GPC6: variants seen among roughly 807,000 people sequenced by gnomAD.
GPC6 encodes glypican-6.
GPC6 carries 14 observed loss-of-function variants against 55.2 expected under a neutral mutation model. The observed-to-expected ratio is 0.25, with a 90% CI of 0.17 to 0.40. The LOEUF (loss-of-function observed/expected upper bound fraction) is 0.40, where lower values mean the gene tolerates loss of function less well. GPC6 is among the 10% of genes least tolerant of loss of function. GPC6 has a pLI of 1.00. For missense variants in GPC6, 641 were observed against 708.5 expected (o/e 0.90, Z 1.08); for synonymous variants, 278 against 259.6 (o/e 1.07, Z -0.68).
At chr13:94,285,249 G>T (rs1289888697) in intron 4 of GPC6, among the ~76,000 whole-genome samples, 2 of 151,184 alleles carry the variant, frequency 1.3e-5, no homozygotes, top group Admixed American at 1.3e-4. Context: ...GTTTAATAGT[G>T]CTGGGTCATC....
intron 1 of GPC6, among the ~76,000 whole-genome samples, chr13:93,444,810 A>G (rs921926182): frequency 6.6e-6 from 1 of 152,170 alleles, no homozygotes; most frequent in Non-Finnish European, 1.5e-5. Context: ...TACTTTGTAT[A>G]TGTCATATGC....
chr13:94,355,223 C>T (rs1279361172), intron 6 of GPC6, among the ~76,000 whole-genome samples: 2 of 151,914 alleles, frequency 1.3e-5, no homozygotes, highest in Non-Finnish European at 2.9e-5. Context: ...AGGGTTTCAC[C>T]ATTTGGTCAG....
chr13:93,442,450 C>T (rs1218961662), intron 1 of GPC6, among the ~76,000 whole-genome samples: 1 of 152,130 alleles, frequency 6.6e-6, no homozygotes, highest in Non-Finnish European at 1.5e-5. Flanking sequence ...ATGAATGTTC[C>T]TCAGAATAAC....
At chr13:94,368,950 T>C (rs1879406357) in intron 6 of GPC6, among the ~76,000 whole-genome samples, 1 of 152,216 alleles carries the variant, frequency 6.6e-6, no homozygotes, top group South Asian at 2.1e-4. Flanking sequence ...ATGGTGACTT[T>C]CCCTTAACTT....
At chr13:93,323,842 A>G (rs1411814129) in intron 1 of GPC6, among the ~76,000 whole-genome samples, 1 of 152,202 alleles carries the variant, frequency 6.6e-6, no homozygotes, top group Non-Finnish European at 1.5e-5. Context: ...GCTTTATTAA[A>G]TTATGCCAGT....
At chr13:94,014,005 A>G (rs925277265) in intron 3 of GPC6, among the ~76,000 whole-genome samples, 1 of 152,196 alleles carries the variant, frequency 6.6e-6, no homozygotes, top group Non-Finnish European at 1.5e-5. Context: ...AATAGGCTGA[A>G]TATTTTATCA....
At chr13:93,944,280 T>A (rs1343794780) in intron 3 of GPC6, among the ~76,000 whole-genome samples, 1 of 152,042 alleles carries the variant, frequency 6.6e-6, no homozygotes, top group Non-Finnish European at 1.5e-5. Context: ...CTCGGCTCAC[T>A]GCAAGCTCCG....
At chr13:93,881,472 G>A (rs1874970745) in intron 3 of GPC6, among the ~76,000 whole-genome samples, 1 of 151,956 alleles carries the variant, frequency 6.6e-6, no homozygotes, top group Admixed American at 6.6e-5. Context: ...ATAATTTAGG[G>A]CCAATGTAGG....
At chr13:94,253,710 C>T (rs1891425060) in intron 4 of GPC6, among the ~76,000 whole-genome samples, 1 of 151,994 alleles carries the variant, frequency 6.6e-6, no homozygotes, top group Non-Finnish European at 1.5e-5. Flanking sequence ...GTCATATTCC[C>T]CCTCCAATCT....
At chr13:93,591,416 A>G (rs553060306) in intron 2 of GPC6, among the ~76,000 whole-genome samples, 104 of 150,940 alleles carry the variant, frequency 6.9e-4, no homozygotes, top group Middle Eastern at 3.4e-3. Context: ...GTGAATCGAG[A>G]TCGCGCCACT....
rs115483428 is a variant in GPC6 at position 94,324,290 on chromosome 13, G to A, written c.1152+18167G>A. ...ATGCCTGTGGCCTCAGGTCACCACC[G>A]AGGACCATCTATGAAAGCCTTAAAA... On this transcript the variant is annotated intron_variant, in intron 6 of 8. Coordinates refer to ENST00000377047, the MANE Select transcript of GPC6 (RefSeq NM_005708.5). Among the ~76,000 whole-genome samples the A allele has an allele frequency of 4.5e-3, 650 of 145,826 alleles. 4 individuals carry two copies. The highest frequency in any genetic ancestry group is 0.016 in the African/African-American group (616 of 39,304).
At chr13:93,830,612 TAAAAAA>T (rs369020255) in intron 3 of GPC6, 67 bp downstream of exon 3, 50 of 326,358 alleles carry the variant, frequency 1.5e-4, no homozygotes, top group Admixed American at 1.1e-3. Context: ...AACCAATGTT[TAAAAAA>T]AAAAAAAAAA....
intron 2 of GPC6, among the ~76,000 whole-genome samples, chr13:93,805,825 C>A (rs961453147): frequency 6.6e-6 from 1 of 152,138 alleles, no homozygotes; most frequent in Admixed American, 6.5e-5. Context: ...CTCATTTGTT[C>A]CCCTTTTATT....
Position 93,964,439 on chromosome 13 carries a change from G to A in GPC6, c.712-63290G>A, listed in dbSNP as rs114715008. The stretch of plus-strand genomic sequence containing the variant: ...AAAATACTGGGTTTTATTACAGTGA[G>A]CTGACACAACAGAATATTCAGAATC... On this transcript the variant is annotated intron_variant, in intron 3 of 8. Coordinates refer to ENST00000377047, the MANE Select transcript of GPC6 (RefSeq NM_005708.5). Among the ~76,000 whole-genome samples, 1,177 of 152,280 alleles carry A rather than the reference G, an allele frequency of 7.7e-3. 14 individuals carry two copies. Among genetic ancestry groups the A allele is most frequent in the African/African-American group, 0.027 (1,124 of 41,554 alleles).
chr13:93,343,681 A>G (rs1880337972), intron 1 of GPC6, among the ~76,000 whole-genome samples: 2 of 152,204 alleles, frequency 1.3e-5, no homozygotes, highest in Non-Finnish European at 2.9e-5. Flanking sequence ...TATCTCCTAT[A>G]GAATTGTCAT....
rs61355546 is a variant in GPC6, at chr13:93,469,790, GT to G, written c.161-75465del. Among the ~76,000 whole-genome samples the G allele has an allele frequency of 5.3e-5, 8 of 151,820 alleles. No individual in the cohort carries two copies. In the South Asian group the frequency reaches 1.5e-3, roughly 28 times the overall value. On this transcript the variant is annotated intron_variant, in intron 1 of 8. Transcript: ENST00000377047. Reference sequence around the variant, plus strand: ...GTAGAAAGTATGAAATTTACACTAGGTTTTTTTTGTTGTTGGTGGTGGTGTT... The same window carrying G: ...GTAGAAAGTATGAAATTTACACTAGGTTTTTTTGTTGTTGGTGGTGGTGTT...
At chr13:94,107,629 C>T (rs1045217581) in intron 4 of GPC6, among the ~76,000 whole-genome samples, 8 of 149,134 alleles carry the variant, frequency 5.4e-5, no homozygotes, top group Admixed American at 2.7e-4. Context: ...TTCTAGCTTC[C>T]GAGGCTGTCC....
intron 4 of GPC6, among the ~76,000 whole-genome samples, chr13:94,086,040 T>G (rs9589902): frequency 6.6e-6 from 1 of 152,134 alleles, no homozygotes; most frequent in African/African-American, 2.4e-5. Context: ...TCTTTTTTTC[T>G]TTTTTTCTTC....
chr13:93,940,370 C>A (rs1878671281), intron 3 of GPC6, among the ~76,000 whole-genome samples: 1 of 150,172 alleles, frequency 6.7e-6, no homozygotes. Context: ...TCTAGTGTGG[C>A]AGAAAGGATG....
Sources: allele counts gnomAD v4.1 joint callset (sites outside exome capture counted in the v4.1 genomes callset), GRCh38; gene constraint gnomAD v4.1.1; transcripts MANE v1.5; gene names NCBI Gene and HGNC (gene_info 2026-07-23, HGNC 2026-07-21).